Variants in C9orf153 observed in about 807,000 individuals in gnomAD.
The protein encoded by C9orf153 is uncharacterized protein C9orf153.
A neutral mutation model predicts 9.0 loss-of-function variants in C9orf153; 10 were observed. The observed-to-expected ratio is 1.11, with a 90% confidence interval of 0.69 to 1.89. C9orf153 has a LOEUF of 1.89. C9orf153 is among the 40% of genes most tolerant of loss of function. The pLI, the probability that C9orf153 is intolerant of heterozygous loss-of-function variation, is 0.00. For missense variants in C9orf153, 108 were observed against 111.0 expected, an observed-to-expected ratio of 0.97 and a Z score of 0.12; for synonymous variants, 35 against 37.3, an observed-to-expected ratio of 0.94 and a Z score of 0.23.
At chr9:86,248,618 G>A (rs933974479) in intron 1 of C9orf153, among the ~76,000 whole-genome samples, 8 of 152,018 alleles carry the variant, frequency 5.3e-5, no homozygotes, top group African/African-American at 1.9e-4. Flanking sequence ...ACAACTCCTT[G>A]TTTGTCTGTG....
chr9:86,229,522 A>G lies in C9orf153; in HGVS notation c.66+16T>C. On this transcript the variant is annotated intron_variant, in intron 2 of 3. Coordinates refer to ENST00000339137, the MANE Select transcript of C9orf153 (RefSeq NM_001276366.4). ...GCTCCCTGTGTACACCTCGTTGTAC[A>G]ATGTTAAGTACATACTGAACATTGA... 6.4e-7 allele frequency: 1 copy of G among 1,573,314 alleles called. No homozygotes were observed. Among genetic ancestry groups the G allele is most frequent in the Non-Finnish European group, 8.7e-7 (1 of 1,143,930 alleles).
chr9:86,248,130 TTTTG>T (rs1007802519), intron 1 of C9orf153, among the ~76,000 whole-genome samples: 10 of 152,032 alleles, frequency 6.6e-5, no homozygotes, highest in African/African-American at 1.7e-4. Context: ...CTACTTTTGT[TTTTG>T]TTTGTTTTTG....
chr9:86,234,095 A>C (rs1824529445), intron 1 of C9orf153, among the ~76,000 whole-genome samples: 1 of 152,118 alleles, frequency 6.6e-6, no homozygotes, highest in African/African-American at 2.4e-5. Flanking sequence ...AAAAAATGAT[A>C]ATAATAATGA....
At chr9:86,236,240 AT>A (rs1239616787) in intron 1 of C9orf153, among the ~76,000 whole-genome samples, 1 of 152,142 alleles carries the variant, frequency 6.6e-6, no homozygotes, top group Non-Finnish European at 1.5e-5. Flanking sequence ...ATTCTGTGAA[AT>A]TATCCTTCAA....
chr9:86,258,679 A>T (rs1825179550), intron 1 of C9orf153: 1 of 152,226 alleles, frequency 6.6e-6, no homozygotes, highest in South Asian at 2.1e-4. Context: ...CAATATTTGA[A>T]AACCTGAATT....
At chr9:86,226,004 A>T (rs1165111918) in intron 3 of C9orf153, among the ~76,000 whole-genome samples, 1 of 152,184 alleles carries the variant, frequency 6.6e-6, no homozygotes, top group East Asian at 1.9e-4. Context: ...ACCTTATCAA[A>T]CATCCAAAAC....
intron 1 of C9orf153, among the ~76,000 whole-genome samples, chr9:86,237,360 A>G (rs191599274): frequency 6.6e-6 from 1 of 152,316 alleles, no homozygotes; most frequent in African/African-American, 2.4e-5. Flanking sequence ...TTTAATGTCA[A>G]TGGTCTAAAT....
chr9:86,230,883 G>A (rs1458663568), intron 1 of C9orf153, among the ~76,000 whole-genome samples: 1 of 152,166 alleles, frequency 6.6e-6, no homozygotes, highest in Non-Finnish European at 1.5e-5. Flanking sequence ...TGGCAGTTAA[G>A]TTCTCTCCCA....
chr9:86,237,060 T>A (rs1424145352), intron 1 of C9orf153, among the ~76,000 whole-genome samples: 1 of 152,056 alleles, frequency 6.6e-6, no homozygotes, highest in South Asian at 2.1e-4. Context: ...TTAGGAGTAT[T>A]TTGTTATTAT....
chr9:86,221,808 G>T, intron 3 of C9orf153, 75 bp from the exon 4 acceptor site: 1 of 1,023,104 alleles, frequency 9.8e-7, no homozygotes, highest in Non-Finnish European at 1.5e-6. Context: ...ATGCTTCATG[G>T]ACAGGGTAAA....
intron 1 of C9orf153, among the ~76,000 whole-genome samples, chr9:86,245,426 AAC>A (rs1342032905): frequency 6.6e-6 from 1 of 152,126 alleles, no homozygotes; most frequent in African/African-American, 2.4e-5. Context: ...CCTTCTCCCG[AAC>A]CCTGGCAGCC....
intron 1 of C9orf153, among the ~76,000 whole-genome samples, chr9:86,236,814 T>C (rs1824603799): frequency 6.6e-6 from 1 of 150,486 alleles, no homozygotes; most frequent in African/African-American, 2.4e-5. Flanking sequence ...AAAATAATAA[T>C]AGCAGGCTGG....
chr9:86,226,744 C>T (rs1376155294), intron 3 of C9orf153, among the ~76,000 whole-genome samples: 1 of 151,244 alleles, frequency 6.6e-6, no homozygotes, highest in Non-Finnish European at 1.5e-5. Flanking sequence ...TCATAAGTTT[C>T]ATGGTTTTTT....
chr9:86,228,843 C>G (rs1275367237), intron 2 of C9orf153: 1 of 201,834 alleles, frequency 5.0e-6, no homozygotes, highest in African/African-American at 2.3e-5. Context: ...GTAGAAGGGA[C>G]TTTGGACGTC....
At position 86,230,182 on chromosome 9, in the gene C9orf153, C is replaced by T. The variant is rs138035479; in HGVS notation, c.-26-553G>A. Reference sequence around the variant, plus strand: ...TTTGCTTTTTCGTAGTTTAGGTCTGCCAAATTTGTCATGCTTCAACTGAGC... The same window carrying T: ...TTTGCTTTTTCGTAGTTTAGGTCTGTCAAATTTGTCATGCTTCAACTGAGC... On this transcript the variant is annotated intron_variant, in intron 1 of 3. Transcript: ENST00000339137. 1.6e-3 allele frequency among the ~76,000 whole-genome samples: 237 copies of T among 152,304 alleles called. 3 individuals carry two copies. The highest frequency in any genetic ancestry group is 4.0e-4 in the Non-Finnish European group (27 of 68,028).
At chr9:86,251,340 T>C (rs1824989091) in intron 1 of C9orf153, among the ~76,000 whole-genome samples, 1 of 152,112 alleles carries the variant, frequency 6.6e-6, no homozygotes, top group East Asian at 1.9e-4. Flanking sequence ...TTCGTTAGAG[T>C]CTATGTTTCT....
At position 86,227,896 on chromosome 9, in the gene C9orf153, G is replaced by A. The variant is rs1419067574; in HGVS notation, c.201C>T (p.Thr67=). 1.9e-6 allele frequency: 3 copies of A among 1,613,630 alleles called. No homozygotes were observed. The highest frequency in any genetic ancestry group is 2.2e-5 in the East Asian group (1 of 44,836). The change falls in exon 3 of 4, where the codon ACC becomes ACT. Residue 67 remains threonine (T), a synonymous_variant. Transcript: ENST00000339137. The part of the protein sequence containing the change: ...LARNLNVMSF[T]RGADVRGDLQ... ...GATCTCCTCTCACATCAGCGCCCCTGGTGAATGACATGACATTCAGGTTTC... is the reference window on the plus strand; with the variant it reads ...GATCTCCTCTCACATCAGCGCCCCTAGTGAATGACATGACATTCAGGTTTC...
At chr9:86,256,215 G>C (rs895389500) in intron 1 of C9orf153, among the ~76,000 whole-genome samples, 1 of 152,172 alleles carries the variant, frequency 6.6e-6, no homozygotes, top group African/African-American at 2.4e-5. Context: ...AGTGAGTCCT[G>C]GTTGCCATCC....
At chr9:86,225,359 CTTCCTTCTTTCT>C (rs964976871) in intron 3 of C9orf153, among the ~76,000 whole-genome samples, 9 of 148,818 alleles carry the variant, frequency 6.0e-5, no homozygotes, top group Admixed American at 2.7e-4. Flanking sequence ...TCCTTCCTTC[CTTCCTTCTTTCT>C]TTCCTTCTTT....
Sources: allele counts gnomAD v4.1 joint callset (sites outside exome capture counted in the v4.1 genomes callset), GRCh38; gene constraint gnomAD v4.1.1; transcripts MANE v1.5; gene names NCBI Gene and HGNC (gene_info 2026-07-23, HGNC 2026-07-21).